Variants in GRIN2A observed in about 807,000 individuals in gnomAD.
GRIN2A encodes glutamate ionotropic receptor NMDA type subunit 2A, also known as glutamate receptor ionotropic, NMDA 2A.
GRIN2A carries 22 observed loss-of-function variants against 113.4 expected under a neutral mutation model. That is an observed-to-expected ratio of 0.19 (90% CI 0.14 to 0.28). GRIN2A has a LOEUF of 0.28. Among genes scored for constraint, GRIN2A ranks in the 10% least tolerant of loss-of-function variants. The pLI, the probability that GRIN2A is intolerant of heterozygous loss-of-function variation, is 1.00. For missense variants in GRIN2A, 1,502 were observed against 1,887.0 expected (o/e 0.80, Z 3.78); for synonymous variants, 827 against 738.4 (o/e 1.12, Z -1.94).
intron 4 of GRIN2A, among the ~76,000 whole-genome samples, chr16:9,880,287 C>G (rs909547674): frequency 6.6e-6 from 1 of 152,176 alleles, no homozygotes; most frequent in African/African-American, 2.4e-5. Context: ...GGAGCCCCCT[C>G]GATCCTCAAA....
chr16:10,032,159 G>A (rs537679998), intron 2 of GRIN2A, among the ~76,000 whole-genome samples: 2 of 152,146 alleles, frequency 1.3e-5, no homozygotes, highest in Non-Finnish European at 2.9e-5. Context: ...ATTTTATGCT[G>A]AGCCTAGCAT....
intron 2 of GRIN2A, among the ~76,000 whole-genome samples, chr16:10,160,306 T>C (rs2049785043): frequency 6.6e-6 from 1 of 152,118 alleles, no homozygotes; most frequent in South Asian, 2.1e-4. Flanking sequence ...CGGGATATGG[T>C]CTCCCCAAAC....
intron 11 of GRIN2A, among the ~76,000 whole-genome samples, chr16:9,790,593 G>C (rs938482144): frequency 6.6e-6 from 1 of 152,112 alleles, no homozygotes; most frequent in Non-Finnish European, 1.5e-5. Context: ...ATACAAATAA[G>C]ACAATGGAGG....
chr16:9,811,605 C>A (rs1472605116), intron 10 of GRIN2A, among the ~76,000 whole-genome samples: 1 of 152,076 alleles, frequency 6.6e-6, no homozygotes, highest in Admixed American at 6.6e-5. Flanking sequence ...ACTAAAAGTG[C>A]AAAAATTAGC....
intron 2 of GRIN2A, among the ~76,000 whole-genome samples, chr16:10,000,571 C>T (rs1258057119): frequency 6.6e-6 from 1 of 151,698 alleles, no homozygotes; most frequent in Non-Finnish European, 1.5e-5. Flanking sequence ...CTTTAAGGTA[C>T]TTTAGCATGG....
At position 9,764,066 on chromosome 16, in the gene GRIN2A, T is replaced by G. The variant is rs752062763; in HGVS notation, c.3478A>C (p.Lys1160Gln). Residue 1160 changes from lysine (K) to glutamine (Q), a missense_variant, in exon 13 of 13, where the codon AAG becomes CAG. This residue lies in a region of GRIN2A where 832 missense variants were observed against 789.7 expected (regional missense o/e 1.05). Transcript: ENST00000330684. ...PYQDPSENFR[K>Q]GDSTLPMNRN... ...TTCATTGGCAGCGTGGAGTCCCCCTTGCGGAAGTTTTCACTGGGATCCTGG... is the reference window on the plus strand; with the variant it reads ...TTCATTGGCAGCGTGGAGTCCCCCTGGCGGAAGTTTTCACTGGGATCCTGG... 1.9e-6 allele frequency: 3 copies of G among 1,613,590 alleles called. No individual in the cohort carries two copies. The highest frequency in any genetic ancestry group is 2.5e-6 in the Non-Finnish European group (3 of 1,179,680).
intron 2 of GRIN2A, among the ~76,000 whole-genome samples, chr16:10,046,894 T>C (rs944959205): frequency 6.6e-6 from 1 of 152,186 alleles, no homozygotes; most frequent in African/African-American, 2.4e-5. Flanking sequence ...CCTAACTATA[T>C]GTTAAGTGCT....
chr16:9,786,415 G>A (rs1384601116), intron 11 of GRIN2A, among the ~76,000 whole-genome samples: 1 of 152,142 alleles, frequency 6.6e-6, no homozygotes, highest in East Asian at 1.9e-4. Context: ...AGGCATGGAC[G>A]AGTCTCCTTC....
At chr16:9,961,326 G>T (rs1237289169) in intron 2 of GRIN2A, among the ~76,000 whole-genome samples, 1 of 152,110 alleles carries the variant, frequency 6.6e-6, no homozygotes, top group African/African-American at 2.4e-5. Context: ...ATGATATGGG[G>T]GTGCAGGGGT....
intron 2 of GRIN2A, among the ~76,000 whole-genome samples, chr16:10,098,526 C>A (rs577583709): frequency 6.6e-6 from 1 of 152,152 alleles, no homozygotes; most frequent in African/African-American, 2.4e-5. Context: ...CAGCACAATT[C>A]ACAAATGCAA....
chr16:10,112,667 C>T, intron 2 of GRIN2A: 1 of 760,916 alleles, frequency 1.3e-6, no homozygotes. Context: ...AGAAACGATA[C>T]TTCAGCGAGG....
chr16:9,931,352 T>C (rs1281755711), intron 3 of GRIN2A, among the ~76,000 whole-genome samples: 1 of 152,170 alleles, frequency 6.6e-6, no homozygotes, highest in African/African-American at 2.4e-5. Context: ...AAAATTATAA[T>C]AATGACCTGA....
At chr16:10,106,944 G>A (rs2048511958) in intron 2 of GRIN2A, among the ~76,000 whole-genome samples, 1 of 152,082 alleles carries the variant, frequency 6.6e-6, no homozygotes, top group African/African-American at 2.4e-5. Flanking sequence ...ATTTTCAGAG[G>A]AAGAAACTAA....
intron 2 of GRIN2A, among the ~76,000 whole-genome samples, chr16:10,159,103 T>C (rs1449823511): frequency 6.6e-6 from 1 of 152,076 alleles, no homozygotes; most frequent in Non-Finnish European, 1.5e-5. Flanking sequence ...AAAAATAAGC[T>C]TCTGTGATTC....
intron 9 of GRIN2A, among the ~76,000 whole-genome samples, chr16:9,825,452 C>A (rs904308440): frequency 7.9e-5 from 12 of 152,140 alleles, no homozygotes; most frequent in African/African-American, 2.9e-4. Context: ...GTCTGAAGGT[C>A]ATCCAAGTGA....
chr16:9,905,406 A>G (rs927137720), intron 3 of GRIN2A, among the ~76,000 whole-genome samples: 1 of 152,218 alleles, frequency 6.6e-6, no homozygotes, highest in Non-Finnish European at 1.5e-5. Flanking sequence ...GCTTTTCAGA[A>G]CTGGGCAGAT....
chr16:10,087,070 T>G (rs192643271), intron 2 of GRIN2A, among the ~76,000 whole-genome samples: 273 of 152,312 alleles, frequency 1.8e-3, no homozygotes, highest in Admixed American at 1.5e-3. Context: ...AGTCGATGAA[T>G]GCAGTGGCTA....
At chr16:10,111,368 G>A in intron 2 of GRIN2A, 1 of 446,428 alleles carries the variant, frequency 2.2e-6, no homozygotes, top group Non-Finnish European at 4.2e-6. Context: ...CGCTTCGCGG[G>A]GCCTTGCGGC....
chr16:9,855,953 T>C (rs771160591), intron 4 of GRIN2A, among the ~76,000 whole-genome samples: 53 of 152,204 alleles, frequency 3.5e-4, no homozygotes, highest in Admixed American at 8.5e-4. Flanking sequence ...TTCCTCATTC[T>C]CTAAAGAAGG....
Sources: allele counts gnomAD v4.1 joint callset (sites outside exome capture counted in the v4.1 genomes callset), GRCh38; gene constraint gnomAD v4.1.1; regional missense constraint gnomAD v4.1.1; transcripts MANE v1.5; gene names NCBI Gene and HGNC (gene_info 2026-07-23, HGNC 2026-07-21).